Variants in GRM8 observed in about 807,000 individuals in gnomAD.
The protein encoded by GRM8 is metabotropic glutamate receptor 8.
A neutral mutation model predicts 87.2 loss-of-function variants in GRM8; 47 were observed. The observed-to-expected ratio is 0.54, with a 90% CI of 0.43 to 0.69. GRM8 has a LOEUF of 0.69. GRM8 is among the 30% of genes least tolerant of loss of function. The pLI, the probability that GRM8 is intolerant of heterozygous loss-of-function variation, is 0.00. For synonymous variants in GRM8, 396 were observed against 404.5 expected, an observed-to-expected ratio of 0.98 and a Z score of 0.25; for missense variants, 1,019 against 1,139.2, an observed-to-expected ratio of 0.89 and a Z score of 1.52.
At chr7:127,157,383 T>G (rs1352587747) in intron 2 of GRM8, among the ~76,000 whole-genome samples, 4 of 152,126 alleles carry the variant, frequency 2.6e-5, no homozygotes, top group Admixed American at 1.3e-4. Flanking sequence ...CATGAATCAC[T>G]TTGGCAATCT....
chr7:126,532,978 A>C lies in GRM8; in HGVS notation c.2404T>G (p.Phe802Val), dbSNP rs200861849. 2 of 1,612,706 alleles carry C rather than the reference A, an allele frequency of 1.2e-6. No individual in the cohort carries two copies. The highest frequency in any genetic ancestry group is 8.5e-7 in the Non-Finnish European group (1 of 1,179,298). ...IIWLAFIPIFFGTAQSAEKMY... is the reference protein window; with the variant it reads ...IIWLAFIPIFVGTAQSAEKMY... The stretch of plus-strand genomic sequence containing the variant: ...TTTTCTGCTGACTGGGCTGTACCAA[A>C]AAAGATGGGGATGAAAGCTAACCAA... Residue 802 changes from phenylalanine (F) to valine (V), a missense_variant, in exon 9 of 11, where the codon TTT (phenylalanine) becomes GTT (valine). By Grantham distance (50) the Phe-to-Val change is conservative (BLOSUM62 -1). Coordinates refer to ENST00000339582, the MANE Select transcript of GRM8 (RefSeq NM_000845.3).
At chr7:126,520,453 AG>A (rs1812813892) in intron 9 of GRM8, among the ~76,000 whole-genome samples, 1 of 152,086 alleles carries the variant, frequency 6.6e-6, no homozygotes, top group Admixed American at 6.6e-5. Flanking sequence ...AACACGTAAA[AG>A]GGCAGAGATT....
intron 3 of GRM8, among the ~76,000 whole-genome samples, chr7:127,056,032 C>T (rs2132534262): frequency 6.6e-6 from 1 of 152,278 alleles, no homozygotes; most frequent in African/African-American, 2.4e-5. Context: ...CTGAATACTA[C>T]ACACACTTGA....
chr7:126,841,632 ATTT>A (rs573365799), intron 6 of GRM8, among the ~76,000 whole-genome samples: 1 of 145,334 alleles, frequency 6.9e-6, no homozygotes, highest in African/African-American at 2.5e-5. Context: ...TTGGATTATT[ATTT>A]TTTTTTTTTT....
intron 6 of GRM8, among the ~76,000 whole-genome samples, chr7:126,787,797 A>G (rs1474454439): frequency 1.3e-5 from 2 of 152,136 alleles, no homozygotes; most frequent in East Asian, 3.9e-4. Flanking sequence ...ATCATCTTAC[A>G]TATTTGTAGA....
At chr7:126,943,117 T>A (rs1807151278) in intron 3 of GRM8, among the ~76,000 whole-genome samples, 1 of 152,190 alleles carries the variant, frequency 6.6e-6, no homozygotes, top group Non-Finnish European at 1.5e-5. Flanking sequence ...CTAGATTTTA[T>A]CAGATCGGCA....
chr7:126,519,791 AT>A (rs997324802), intron 9 of GRM8, among the ~76,000 whole-genome samples: 3 of 152,118 alleles, frequency 2.0e-5, no homozygotes, highest in Non-Finnish European at 4.4e-5. Context: ...GTAGCTAGCA[AT>A]TTTTTTCTAA....
At chr7:127,141,486 A>G (rs1828251533) in intron 2 of GRM8, among the ~76,000 whole-genome samples, 1 of 152,178 alleles carries the variant, frequency 6.6e-6, no homozygotes. Flanking sequence ...CCCCAGTCCT[A>G]CTTCACAATG....
chr7:127,086,332 C>CCTGATGGT (rs1563492876), intron 3 of GRM8, among the ~76,000 whole-genome samples: 2 of 152,164 alleles, frequency 1.3e-5, no homozygotes, highest in East Asian at 3.8e-4. Context: ...GATCTCCTGA[C>CCTGATGGT]CTCGTGATCT....
At chr7:126,677,931 A>G (rs767016294) in intron 7 of GRM8, among the ~76,000 whole-genome samples, 5 of 152,200 alleles carry the variant, frequency 3.3e-5, no homozygotes, top group African/African-American at 4.8e-5. Flanking sequence ...CATCTCCTAT[A>G]GCAGCTCTCA....
Position 126,985,045 on chromosome 7 carries a change from A to G in GRM8, c.728-80362T>C, listed in dbSNP as rs1480313321. 3.3e-5 allele frequency among the ~76,000 whole-genome samples: 5 copies of G among 152,142 alleles called. No individual in the cohort carries two copies. In the South Asian group the frequency reaches 8.3e-4, roughly 25 times the overall value. On this transcript the variant is annotated intron_variant, in intron 3 of 10. Coordinates refer to ENST00000339582, the MANE Select transcript of GRM8 (RefSeq NM_000845.3). ...ACACACACACACAACACACACACAC[A>G]TGCATGAAGTAGAAGAAAAGCTTTT... is the stretch of plus-strand genomic sequence containing the variant.
chr7:127,085,147 CT>C (rs1199855221), intron 3 of GRM8, among the ~76,000 whole-genome samples: 1 of 152,138 alleles, frequency 6.6e-6, no homozygotes, highest in East Asian at 1.9e-4. Context: ...TGAACTCATC[CT>C]TTTTTATGGC....
At chr7:127,113,512 G>A (rs1428348257) in intron 2 of GRM8, among the ~76,000 whole-genome samples, 6 of 151,948 alleles carry the variant, frequency 3.9e-5, no homozygotes, top group Admixed American at 3.9e-4. Flanking sequence ...TTTGTTCTCT[G>A]CAAACAACCT....
chr7:127,131,081 A>T (rs1037504424), intron 2 of GRM8, among the ~76,000 whole-genome samples: 28 of 152,356 alleles, frequency 1.8e-4, no homozygotes, highest in African/African-American at 6.7e-4. Flanking sequence ...AAGAAACCTT[A>T]GTGCAGGAGT....
chr7:126,956,723 A>G (rs1382646261), intron 3 of GRM8, among the ~76,000 whole-genome samples: 1 of 152,246 alleles, frequency 6.6e-6, no homozygotes, highest in African/African-American at 2.4e-5. Flanking sequence ...CCTGACAGGA[A>G]CATGAACAGG....
In GRM8 at chr7:126,669,021, C is replaced by T. The variant is rs144910863; in HGVS notation, c.1358-59523G>A. 7.3e-3 allele frequency among the ~76,000 whole-genome samples: 1,109 copies of T among 152,248 alleles called. 17 individuals are homozygous for T. The highest frequency in any genetic ancestry group is 0.025 in the African/African-American group (1,049 of 41,522). ...AATGACATCATGTCCTTTGCAGAGA[C>T]ATGGATGAAGGTGGAAGCCATCATT... is the stretch of plus-strand genomic sequence containing the variant. On this transcript the variant is annotated intron_variant, in intron 7 of 10. Coordinates refer to ENST00000339582, the MANE Select transcript of GRM8 (RefSeq NM_000845.3).
chr7:126,518,049 A>T (rs1031698545), intron 9 of GRM8, among the ~76,000 whole-genome samples: 8 of 152,078 alleles, frequency 5.3e-5, no homozygotes, highest in African/African-American at 1.9e-4. Context: ...CTTGTCACCA[A>T]CACTTTACAA....
At chr7:126,831,006 T>C (rs1296988152) in intron 6 of GRM8, among the ~76,000 whole-genome samples, 2 of 152,236 alleles carry the variant, frequency 1.3e-5, no homozygotes, top group African/African-American at 4.8e-5. Flanking sequence ...CAGCGGTGGC[T>C]GCAGAACCGC....
chr7:126,691,982 G>A (rs1808863617), intron 7 of GRM8, among the ~76,000 whole-genome samples: 1 of 152,126 alleles, frequency 6.6e-6, no homozygotes, highest in Non-Finnish European at 1.5e-5. Context: ...TGAGCATGAA[G>A]GACTGTATGG....
Sources: allele counts gnomAD v4.1 joint callset (sites outside exome capture counted in the v4.1 genomes callset), GRCh38; gene constraint gnomAD v4.1.1; transcripts MANE v1.5; gene names NCBI Gene and HGNC (gene_info 2026-07-23, HGNC 2026-07-21).